Variants in CSN2 observed in about 807,000 individuals in gnomAD.
The protein encoded by CSN2 is casein beta.
CSN2 carries 27 observed loss-of-function variants against 27.3 expected under a neutral mutation model. That is an observed-to-expected ratio of 0.99 (90% confidence interval 0.73 to 1.36). The LOEUF is 1.36. Among genes scored for constraint, CSN2 ranks in the 40% most tolerant of loss-of-function variants. The probability of loss-of-function intolerance (pLI) is 0.00; values close to 1 mark genes in which losing one functional copy is unlikely to be tolerated. For missense variants in CSN2, 333 were observed against 264.5 expected, an observed-to-expected ratio of 1.26 and a Z score of -1.80; for synonymous variants, 131 against 94.8, an observed-to-expected ratio of 1.38 and a Z score of -2.22.
intron 1 of CSN2, among the ~76,000 whole-genome samples, chr4:69,961,658 G>A (rs1010627655): frequency 8.6e-5 from 13 of 152,046 alleles, no homozygotes; most frequent in Non-Finnish European, 8.8e-5. Flanking sequence ...AAGCATTCCC[G>A]TTAAAAATTG....
In CSN2 at chr4:69,957,812, G is replaced by A; in HGVS notation, c.145-8C>T. On this transcript the variant is annotated splice_region_variant and splice_polypyrimidine_tract_variant and intron_variant, in intron 5 of 7. Coordinates refer to ENST00000353151, the MANE Select transcript of CSN2 (RefSeq NM_001891.4). ...TTTATCCTGGTGTTCATCCTGGAAA[G>A]AAGGAAAAAGAATCTTTGAGTCCTT... The A allele has an allele frequency of 6.2e-7, 1 of 1,602,630 alleles. No individual in the cohort carries two copies. The highest frequency in any genetic ancestry group is 1.7e-5 in the Admixed American group (1 of 58,176).
At chr4:69,965,501 A>G (rs1376787807) in intron 1 of CSN2, among the ~76,000 whole-genome samples, 180 bp downstream of exon 1, 1 of 147,494 alleles carries the variant, frequency 6.8e-6, no homozygotes, top group Non-Finnish European at 1.5e-5. Context: ...TGTCATTACC[A>G]AATTCTTCTG....
chr4:69,956,349 C>T lies in CSN2; in HGVS notation c.*1G>A, dbSNP rs942028705. On this transcript the variant is annotated 3_prime_UTR_variant, in exon 7 of 8. Transcript: ENST00000353151. ...GAGGGAAAATTAACTTTGAAATCTTCTTAGACCTTAAAAATAAACAGATAC... is the reference window on the plus strand; with the variant it reads ...GAGGGAAAATTAACTTTGAAATCTTTTTAGACCTTAAAAATAAACAGATAC... 3.5e-6 allele frequency: 5 copies of T among 1,415,936 alleles called. No homozygotes were observed. In the South Asian group the frequency reaches 4.8e-5, roughly 14 times the overall value. The allele number at this position is 1,415,936 out of a possible 1,614,324, so 87.7% of individuals were successfully genotyped here.
intron 6 of CSN2, among the ~76,000 whole-genome samples, chr4:69,956,773 A>C (rs1347410412): frequency 6.6e-6 from 1 of 152,154 alleles, no homozygotes; most frequent in Non-Finnish European, 1.5e-5. Context: ...CAGAATTCTC[A>C]ACAGACTAAT....
intron 7 of CSN2, 57 bp downstream of exon 7, chr4:69,956,257 T>TA: frequency 8.4e-7 from 1 of 1,188,972 alleles, no homozygotes; most frequent in South Asian, 2.8e-5. Flanking sequence ...GAATTAAATG[T>TA]AAAAAGACAT....
Position 69,960,039 on chromosome 4 carries a change from G to T in CSN2, c.78+14C>A, listed in dbSNP as rs1481350199. The T allele has an allele frequency of 6.2e-7, 1 of 1,610,272 alleles. No individual in the cohort carries two copies. Among genetic ancestry groups the T allele is most frequent in the Non-Finnish European group, 8.5e-7 (1 of 1,177,578 alleles). ...GATTTTACTGTTCTAAAATTGGGTA[G>T]AATGTTAACTTACCTCACTGCTTGA... On this transcript the variant is annotated intron_variant, in intron 3 of 7. Coordinates refer to ENST00000353151, the MANE Select transcript of CSN2 (RefSeq NM_001891.4).
At chr4:69,962,111 A>G (rs1723613499) in intron 1 of CSN2, among the ~76,000 whole-genome samples, 1 of 152,216 alleles carries the variant, frequency 6.6e-6, no homozygotes, top group South Asian at 2.1e-4. Flanking sequence ...AGAACATTCC[A>G]TGCTCATGGG....
chr4:69,961,483 A>T (rs1052647802), intron 1 of CSN2, among the ~76,000 whole-genome samples: 5 of 152,214 alleles, frequency 3.3e-5, no homozygotes, highest in African/African-American at 1.2e-4. Context: ...GACAAAAACC[A>T]CATGATTATC....
At chr4:69,957,164 T>G in intron 6 of CSN2, 110 bp downstream of exon 6, 1 of 1,128,614 alleles carries the variant, frequency 8.9e-7, no homozygotes, top group Non-Finnish European at 1.2e-6. Context: ...AATAAAAGAA[T>G]CACTTATCTA....
chr4:69,958,643 A>T (rs1044221557), intron 5 of CSN2, among the ~76,000 whole-genome samples: 1 of 152,038 alleles, frequency 6.6e-6, no homozygotes, highest in African/African-American at 2.4e-5. Flanking sequence ...GTTCCCACCA[A>T]TGTGTACTTG....
chr4:69,961,961 C>A (rs1247380651), intron 1 of CSN2, among the ~76,000 whole-genome samples: 2 of 152,142 alleles, frequency 1.3e-5, no homozygotes, highest in Non-Finnish European at 2.9e-5. Flanking sequence ...AGAGCCAAAT[C>A]ATGAGTGAAC....
chr4:69,962,560 C>T (rs1221180687), intron 1 of CSN2, among the ~76,000 whole-genome samples: 1 of 152,152 alleles, frequency 6.6e-6, no homozygotes, highest in Non-Finnish European at 1.5e-5. Flanking sequence ...GGGTCCCTTC[C>T]TTACACCTTA....
chr4:69,957,060 G>A (rs1411164983), intron 6 of CSN2, among the ~76,000 whole-genome samples: 4 of 152,064 alleles, frequency 2.6e-5, no homozygotes, highest in African/African-American at 9.7e-5. Flanking sequence ...GTTAAATGAC[G>A]AGTTAATGGG....
chr4:69,955,941 T>C (rs1392101504), intron 7 of CSN2, among the ~76,000 whole-genome samples: 1 of 152,082 alleles, frequency 6.6e-6, no homozygotes, highest in Non-Finnish European at 1.5e-5. Flanking sequence ...ACAAATTTTA[T>C]GAAGGCTAGG....
At chr4:69,965,406 T>C (rs1280312679) in intron 1 of CSN2, among the ~76,000 whole-genome samples, 4 of 72,854 alleles carry the variant, frequency 5.5e-5, no homozygotes, top group Non-Finnish European at 8.0e-5. Context: ...ACTAGCCTCA[T>C]ACTATATATA....
chr4:69,964,475 A>T (rs1050539865), intron 1 of CSN2, among the ~76,000 whole-genome samples: 5 of 152,078 alleles, frequency 3.3e-5, no homozygotes, highest in African/African-American at 1.2e-4. Flanking sequence ...TACTTCATCA[A>T]AAAAGTCTTT....
intron 4 of CSN2, 27 bp downstream of exon 4, chr4:69,959,022 G>C: frequency 6.7e-7 from 1 of 1,485,778 alleles, no homozygotes; most frequent in South Asian, 1.2e-5. Flanking sequence ...TTTTGAAAAT[G>C]TGTACATTTT....
chr4:69,959,405 T>A (rs1723500545), intron 3 of CSN2, among the ~76,000 whole-genome samples: 2 of 152,120 alleles, frequency 1.3e-5, no homozygotes. Flanking sequence ...TAACAATTGA[T>A]ACATTATGAT....
rs541889904 is a variant in CSN2 at position 69,960,145 on chromosome 4, T to A, written c.52-66A>T. On this transcript the variant is annotated intron_variant, in intron 2 of 7. Transcript: ENST00000353151. ...ATCATTAGAGAATTTTACTATTTTATGGTTCATAAATTTTCTCTAAAAAAA... is the reference window on the plus strand; with the variant it reads ...ATCATTAGAGAATTTTACTATTTTAAGGTTCATAAATTTTCTCTAAAAAAA... 29 of 1,442,562 alleles carry A rather than the reference T, an allele frequency of 2.0e-5. 1 individual carries two copies. In the South Asian group the frequency reaches 3.1e-4, roughly 16 times the overall value. 89.4% of individuals were successfully genotyped at this position (1,442,562 alleles called of 1,614,324 possible).
Sources: gnomAD v4.1 joint callset for allele counts (sites outside exome capture counted in the v4.1 genomes callset) on GRCh38, gnomAD v4.1.1 for gene constraint, MANE v1.5 for transcripts, NCBI Gene and HGNC (gene_info 2026-07-23, HGNC 2026-07-21) for gene names.